ZNF320: variants seen among roughly 807,000 people sequenced by gnomAD.
ZNF320 encodes zinc finger gene 320.
A neutral mutation model predicts 6.8 loss-of-function variants in ZNF320; 2 were observed. That is an observed-to-expected ratio of 0.29 (90% CI 0.12 to 0.93). The LOEUF (loss-of-function observed/expected upper bound fraction) is 0.93, where lower values mean the gene tolerates loss of function less well. Ranked by LOEUF, ZNF320 falls within the 40% of genes least tolerant of loss-of-function variation. The probability of loss-of-function intolerance (pLI) is 0.55; values close to 1 mark genes in which losing one functional copy is unlikely to be tolerated. For synonymous variants in ZNF320, 208 were observed against 203.2 expected (o/e 1.02, Z -0.20); for missense variants, 472 against 611.0 (o/e 0.77, Z 2.40).
the ZNF320 span, among the ~76,000 whole-genome samples, chr19:52,904,062 G>A: frequency 3.3e-5 from 5 of 152,000 alleles, no homozygotes; most frequent in East Asian, 3.9e-4. Flanking sequence ...ATCAGGCCAC[G>A]CTTCCACTCA....
At chr19:52,860,251 T>C (rs2063479825), downstream of ZNF320, among the ~76,000 whole-genome samples, 1 of 152,074 alleles carries the variant, frequency 6.6e-6, no homozygotes, top group African/African-American at 2.4e-5. Flanking sequence ...AACTAAGATA[T>C]GTCTACCTGC....
intron 5 of ZNF320, among the ~76,000 whole-genome samples, chr19:52,869,991 C>G (rs547095376): frequency 6.6e-6 from 1 of 151,814 alleles, no homozygotes; most frequent in South Asian, 2.1e-4. Flanking sequence ...GCTGGGATTA[C>G]AGGTGTCAGC....
At chr19:52,865,752 T>A (rs1233466748) in intron 5 of ZNF320, among the ~76,000 whole-genome samples, 1 of 126,060 alleles carries the variant, frequency 7.9e-6, no homozygotes, top group African/African-American at 3.3e-5. Flanking sequence ...CACATATATT[T>A]ATATATATGA....
Position 52,877,164 on chromosome 19 carries a change from T to C in ZNF320, c.*3432A>G, listed in dbSNP as rs2063788779. The C allele has an allele frequency of 6.6e-6, 1 of 152,200 alleles. No individual in the cohort carries two copies. The highest frequency in any genetic ancestry group is 1.5e-5 in the Non-Finnish European group (1 of 68,056). 9.4% of individuals were successfully genotyped at this position (152,200 alleles called of 1,614,324 possible). On this transcript the variant is annotated 3_prime_UTR_variant, in exon 6 of 6. Transcript: ENST00000682928. Reference sequence around the variant, plus strand: ...CCTGGGTCTGGGGACAGGGAGAGTCTAAGGCCAATTAACACGAACCTCAGG... The same window carrying C: ...CCTGGGTCTGGGGACAGGGAGAGTCCAAGGCCAATTAACACGAACCTCAGG...
intron 5 of ZNF320, among the ~76,000 whole-genome samples, chr19:52,870,259 T>C (rs1352021715): frequency 6.6e-6 from 1 of 151,128 alleles, no homozygotes; most frequent in Non-Finnish European, 1.5e-5. Flanking sequence ...GGTGGATGGA[T>C]CACGAGGTCA....
chr19:52,869,292 T>G (rs773798589), intron 5 of ZNF320, among the ~76,000 whole-genome samples: 7 of 152,162 alleles, frequency 4.6e-5, no homozygotes, highest in Non-Finnish European at 8.8e-5. Flanking sequence ...CAGTTTTACA[T>G]CTCTTAAATT....
At chr19:52,896,604 C>T (rs1414285698) in intron 1 of ZNF320, among the ~76,000 whole-genome samples, 1 of 151,918 alleles carries the variant, frequency 6.6e-6, no homozygotes, top group Non-Finnish European at 1.5e-5. Context: ...AGCTACTCTG[C>T]AGGCTGAGGT....
chr19:52,900,854 T>C (rs1337707095), upstream of ZNF320, among the ~76,000 whole-genome samples: 2 of 152,106 alleles, frequency 1.3e-5, no homozygotes, highest in Non-Finnish European at 2.9e-5. Context: ...GTAGCCCAAA[T>C]GACATAAGAC....
upstream of ZNF320, among the ~76,000 whole-genome samples, chr19:52,898,703 G>C (rs947064706): frequency 6.6e-6 from 1 of 152,238 alleles, no homozygotes; most frequent in African/African-American, 2.4e-5. Flanking sequence ...GGTCGTGATT[G>C]ATTTGAGCGA....
At chr19:52,904,164 C>T in the ZNF320 span, among the ~76,000 whole-genome samples, 8 of 152,342 alleles carry the variant, frequency 5.3e-5, no homozygotes, top group East Asian at 7.7e-4. Flanking sequence ...TCAGCCACTG[C>T]GTTAATCCTC....
At chr19:52,861,454 G>C (rs2063486585) in exon 6 of ZNF320, among the ~76,000 whole-genome samples, 1 of 152,004 alleles carries the variant, frequency 6.6e-6, no homozygotes, top group African/African-American at 2.4e-5. Flanking sequence ...ATTCAACACG[G>C]TACCCATAAA....
chr19:52,866,216 T>TTATATATATGATTATACATATATA (rs1555814500), intron 5 of ZNF320, among the ~76,000 whole-genome samples: 49 of 102,264 alleles, frequency 4.8e-4, no homozygotes, highest in East Asian at 1.2e-3. Flanking sequence ...ATACATATAT[T>TTATATATATGATTATACATATATA]TATATATATG....
At chr19:52,898,405 G>A (rs1568735896), upstream of ZNF320, among the ~76,000 whole-genome samples, 1 of 152,184 alleles carries the variant, frequency 6.6e-6, no homozygotes, top group African/African-American at 2.4e-5. Flanking sequence ...CAAGACCGCT[G>A]AGCCCGGAGG....
At chr19:52,897,319 G>C (rs544249250) in intron 1 of ZNF320, among the ~76,000 whole-genome samples, 1 of 152,220 alleles carries the variant, frequency 6.6e-6, no homozygotes, top group South Asian at 2.1e-4. Context: ...CGCCGAGAGC[G>C]ACGGTGGGAG....
At chr19:52,884,172 G>T (rs12461045) in intron 5 of ZNF320, among the ~76,000 whole-genome samples, 3 of 152,296 alleles carry the variant, frequency 2.0e-5, no homozygotes, top group African/African-American at 7.2e-5. Flanking sequence ...CTTGCTCTTG[G>T]ATTTCCCACT....
At chr19:52,882,134 T>G in intron 5 of ZNF320, 151 bp from the exon 6 acceptor site, 1 of 820,006 alleles carries the variant, frequency 1.2e-6, no homozygotes, top group South Asian at 2.3e-5. Flanking sequence ...AGTAAGATTC[T>G]TTAATAAATA....
At chr19:52,885,959 G>A (rs963139239) in intron 5 of ZNF320, among the ~76,000 whole-genome samples, 3 of 151,772 alleles carry the variant, frequency 2.0e-5, no homozygotes, top group Non-Finnish European at 4.4e-5. Flanking sequence ...ACTCGCATAC[G>A]TATACCTTTT....
intron 5 of ZNF320, among the ~76,000 whole-genome samples, chr19:52,866,122 ATGTATGATTATACATATATTTATATATG>A (rs1568694151): frequency 0.073 from 2,711 of 37,274 alleles, 620 homozygotes; most frequent in Non-Finnish European, 0.1. Context: ...ATATTTATAT[ATGTATGATTATACATATATTTATATATG>A]TATGATTATA....
intron 5 of ZNF320, among the ~76,000 whole-genome samples, chr19:52,868,324 T>C (rs1314064396): frequency 1.3e-5 from 2 of 151,920 alleles, no homozygotes; most frequent in East Asian, 3.9e-4. Context: ...CTGACTGACA[T>C]GGAAAAACCC....
Sources: gnomAD v4.1 joint callset for allele counts (sites outside exome capture counted in the v4.1 genomes callset) on GRCh38, gnomAD v4.1.1 for gene constraint, MANE v1.5 for transcripts, NCBI Gene and HGNC (gene_info 2026-07-23, HGNC 2026-07-21) for gene names.